ADISSP: variants seen among roughly 807,000 people sequenced by gnomAD.
The protein encoded by ADISSP is adipose secreted signaling protein, also known as adipose-secreted signaling protein.
At chr20:3,756,823 G>A in the ADISSP span, among the ~76,000 whole-genome samples, 2 of 152,144 alleles carry the variant, frequency 1.3e-5, no homozygotes, top group Non-Finnish European at 2.9e-5. Flanking sequence ...CAGGAACAGG[G>A]AGCCAGCTAA....
the ADISSP span, chr20:3,754,540 T>C: frequency 6.2e-7 from 1 of 1,603,334 alleles, no homozygotes; most frequent in Non-Finnish European, 8.5e-7. Context: ...ACAGGGGCAA[T>C]TGGTCAGCAC....
the ADISSP span, among the ~76,000 whole-genome samples, chr20:3,761,774 A>C: frequency 6.6e-6 from 1 of 152,210 alleles, no homozygotes; most frequent in Non-Finnish European, 1.5e-5. Flanking sequence ...GGCAGCCCAA[A>C]GTCACAGCAT....
the ADISSP span, among the ~76,000 whole-genome samples, chr20:3,762,576 T>G: frequency 3.3e-5 from 5 of 152,276 alleles, no homozygotes; most frequent in South Asian, 8.3e-4. Flanking sequence ...GGTCTCAAAC[T>G]CCGGAGCTTA....
the ADISSP span, chr20:3,754,353 G>A: frequency 1.5e-5 from 24 of 1,595,962 alleles, no homozygotes; most frequent in Admixed American, 2.0e-4. Context: ...CCTCGCAGTC[G>A]AGCTTGTGCA....
the ADISSP span, among the ~76,000 whole-genome samples, chr20:3,756,692 A>ACTGTGACC: frequency 3.9e-5 from 6 of 152,336 alleles, no homozygotes; most frequent in Admixed American, 6.5e-5. Flanking sequence ...GTACCTGCTA[A>ACTGTGACC]CTGTGACCCT....
At chr20:3,763,557 C>CAA in the ADISSP span, among the ~76,000 whole-genome samples, 15,658 of 117,156 alleles carry the variant, frequency 0.13, 1,318 homozygotes, top group African/African-American at 0.23. Flanking sequence ...AACTCCGTCT[C>CAA]AAAAAAAAAA....
chr20:3,763,734 A>G, the ADISSP span, among the ~76,000 whole-genome samples: 38 of 152,318 alleles, frequency 2.5e-4, no homozygotes, highest in African/African-American at 9.1e-4. Context: ...TCATCAGTCC[A>G]GGGACAGAAG....
the ADISSP span, among the ~76,000 whole-genome samples, chr20:3,759,203 A>T: frequency 6.6e-6 from 1 of 151,938 alleles, no homozygotes; most frequent in Non-Finnish European, 1.5e-5. This position sits in a 1 kb window ranked among gnomAD's most constrained non-coding sequence, Gnocchi z 4.6. Flanking sequence ...AACAGGGGGG[A>T]TCAAAAAACA....
the ADISSP span, among the ~76,000 whole-genome samples, chr20:3,765,180 G>A: frequency 1.3e-5 from 2 of 152,172 alleles, no homozygotes; most frequent in African/African-American, 2.4e-5. Flanking sequence ...CGCTGTCCTC[G>A]GGGAGCTAGA....
chr20:3,766,062 G>A, the ADISSP span, among the ~76,000 whole-genome samples: 1 of 152,154 alleles, frequency 6.6e-6, no homozygotes, highest in Non-Finnish European at 1.5e-5. Context: ...TGTGGTTCGA[G>A]GTCTTTCTCT....
At chr20:3,756,064 T>C in the ADISSP span, among the ~76,000 whole-genome samples, 2 of 152,184 alleles carry the variant, frequency 1.3e-5, no homozygotes, top group Non-Finnish European at 2.9e-5. Flanking sequence ...TCACTGCCAG[T>C]ATCCCAGGGT....
chr20:3,754,221 AG>A, the ADISSP span: 2 of 1,534,278 alleles, frequency 1.3e-6, no homozygotes, highest in South Asian at 2.3e-5. Context: ...CGGCCCACTA[AG>A]GGGACCCCTC....
chr20:3,762,332 C>T, the ADISSP span, among the ~76,000 whole-genome samples: 18 of 151,946 alleles, frequency 1.2e-4, no homozygotes, highest in Non-Finnish European at 2.4e-4. Flanking sequence ...GATAGGAAAG[C>T]AGCAAACTAC....
the ADISSP span, among the ~76,000 whole-genome samples, chr20:3,758,172 G>C: frequency 1.3e-5 from 2 of 152,244 alleles, no homozygotes; most frequent in Non-Finnish European, 1.5e-5. The surrounding 1 kb of genome is among the most constrained non-coding windows in gnomAD (Gnocchi z 5.5). Context: ...TAGGGGATGT[G>C]ATTGTCTCCA....
chr20:3,768,107 TTG>T, the ADISSP span: 1 of 152,284 alleles, frequency 6.6e-6, no homozygotes, highest in Non-Finnish European at 1.5e-5. Flanking sequence ...CGCACCTCCC[TTG>T]GGCCCTTCGC....
chr20:3,754,478 C>T, the ADISSP span: 87 of 1,613,836 alleles, frequency 5.4e-5, no homozygotes, highest in Admixed American at 1.2e-3. Context: ...TCTTTGAGGA[C>T]GCCCTCTTTG....
the ADISSP span, chr20:3,754,244 G>A: frequency 4.2e-5 from 62 of 1,479,250 alleles, no homozygotes; most frequent in Non-Finnish European, 5.3e-5. Flanking sequence ...CCTTCCCTCA[G>A]GGATCAGCTG....
the ADISSP span, among the ~76,000 whole-genome samples, chr20:3,766,917 T>C: frequency 6.6e-6 from 1 of 152,116 alleles, no homozygotes; most frequent in Non-Finnish European, 1.5e-5. Context: ...CAGTCCCTGC[T>C]TACTAATGGA....
the ADISSP span, among the ~76,000 whole-genome samples, chr20:3,756,620 T>G: frequency 6.6e-6 from 1 of 152,142 alleles, no homozygotes; most frequent in Non-Finnish European, 1.5e-5. Context: ...CAAACTTCAA[T>G]CCATGTGCCC....
Sources: allele counts gnomAD v4.1 joint callset (sites outside exome capture counted in the v4.1 genomes callset), GRCh38; gene constraint gnomAD v4.1.1; non-coding constraint Gnocchi (gnomAD v3.1); transcripts MANE v1.5; gene names NCBI Gene and HGNC (gene_info 2026-07-23, HGNC 2026-07-21).